The following NOCT variants were observed in gnomAD, a reference collection of about 807,000 sequenced individuals.
NOCT encodes nocturnin, also known as CCR4 carbon catabolite repression 4-like.
Under a neutral mutation model 35.0 loss-of-function variants are expected in NOCT, and 18 were observed. The ratio of observed to expected loss-of-function variants is 0.51; its 90% confidence interval spans 0.36 to 0.76. NOCT has a LOEUF of 0.76. Ranked by LOEUF, NOCT falls within the 30% of genes least tolerant of loss-of-function variation. The pLI, the probability that NOCT is intolerant of heterozygous loss-of-function variation, is 0.01. For missense variants in NOCT, 479 were observed against 541.0 expected, an observed-to-expected ratio of 0.89 and a Z score of 1.14; for synonymous variants, 235 against 226.3, an observed-to-expected ratio of 1.04 and a Z score of -0.34.
At chr4:139,033,680 A>G (rs1415344078) in intron 1 of NOCT, among the ~76,000 whole-genome samples, 1 of 144,360 alleles carries the variant, frequency 6.9e-6, no homozygotes. Context: ...CCTGTCTCCA[A>G]AAAAAAAAAA....
At chr4:139,029,291 T>TA in intron 1 of NOCT, among the ~76,000 whole-genome samples, 1 of 152,234 alleles carries the variant, frequency 6.6e-6, no homozygotes, top group Admixed American at 6.5e-5. Flanking sequence ...AGATTACACT[T>TA]ACCTATATGA....
chr4:139,030,172 C>A (rs1350851847), intron 1 of NOCT, among the ~76,000 whole-genome samples: 1 of 152,158 alleles, frequency 6.6e-6, no homozygotes, highest in Non-Finnish European at 1.5e-5. Flanking sequence ...AGCCACCGCG[C>A]CTGGCCTAGA....
intron 1 of NOCT, among the ~76,000 whole-genome samples, chr4:139,018,513 T>G (rs1055996491): frequency 1.3e-5 from 2 of 152,238 alleles, no homozygotes; most frequent in African/African-American, 2.4e-5. Context: ...CTTAAACTTT[T>G]GTAGGCAGTT....
chr4:139,016,921 G>A (rs1726321481), intron 1 of NOCT, among the ~76,000 whole-genome samples: 1 of 150,630 alleles, frequency 6.6e-6, no homozygotes, highest in Admixed American at 6.6e-5. Context: ...CCAGAGTGCT[G>A]GGATCACAGG....
chr4:139,045,799 AAGACAATGCCAGAGGAAGGAT>A lies in NOCT; in HGVS notation c.*329_*349del, dbSNP rs1234599061. On this transcript the variant is annotated 3_prime_UTR_variant, in exon 3 of 3. Transcript: ENST00000280614. The stretch of plus-strand genomic sequence containing the variant: ...GAATGTTTCAGGAAACAAATAGGAT[AAGACAATGCCAGAGGAAGGAT>A]AGAAACATGGGAAGTTTCTATCATT... 1 of 187,720 alleles carries A rather than the reference AAGACAATGCCAGAGGAAGGAT, an allele frequency of 5.3e-6. No individual in the cohort carries two copies. The highest frequency in any genetic ancestry group is 1.4e-4 in the East Asian group (1 of 7,406). 11.6% of individuals were successfully genotyped at this position (187,720 alleles called of 1,614,324 possible).
intron 1 of NOCT, among the ~76,000 whole-genome samples, chr4:139,029,471 A>G (rs970525109): frequency 2.0e-5 from 3 of 152,328 alleles, no homozygotes; most frequent in South Asian, 2.1e-4. Flanking sequence ...GGCTTTAGCT[A>G]TGAGGCTCAG....
intron 1 of NOCT, among the ~76,000 whole-genome samples, chr4:139,020,404 G>C (rs1726386984): frequency 6.6e-6 from 1 of 152,136 alleles, no homozygotes; most frequent in African/African-American, 2.4e-5. Context: ...CTTCTAATAG[G>C]TGAAAAAGGA....
At position 139,045,132 on chromosome 4, in the gene NOCT, C is replaced by T; in HGVS notation, c.954C>T (p.Pro318=). 6.2e-7 allele frequency: 1 copy of T among 1,614,178 alleles called. No individual in the cohort carries two copies. Among genetic ancestry groups the T allele is most frequent in the Non-Finnish European group, 8.5e-7 (1 of 1,180,040 alleles). The change falls in exon 3 of 3, where the codon CCC becomes CCT. Residue 318 remains proline, a synonymous_variant. Transcript: ENST00000280614. Reference sequence around the variant, plus strand: ...ACATCACCCAAGGAGCCAAGATTCCCCTTATTGTGTGTGGGGACTTCAATG... The same window carrying T: ...ACATCACCCAAGGAGCCAAGATTCCTCTTATTGTGTGTGGGGACTTCAATG... ...LQNITQGAKI[P]LIVCGDFNAE... is the part of the protein sequence containing the mutation.
intron 1 of NOCT, among the ~76,000 whole-genome samples, chr4:139,027,428 A>G (rs189484856): frequency 1.3e-5 from 2 of 152,320 alleles, no homozygotes; most frequent in Non-Finnish European, 1.5e-5. Flanking sequence ...TTTCTGGGCC[A>G]TATATCTGTC....
intron 1 of NOCT, among the ~76,000 whole-genome samples, chr4:139,026,816 T>G (rs982762493): frequency 6.6e-6 from 1 of 151,894 alleles, no homozygotes; most frequent in African/African-American, 2.4e-5. Flanking sequence ...CCTCCCAAAG[T>G]GTTGGAATTA....
intron 1 of NOCT, among the ~76,000 whole-genome samples, chr4:139,041,035 AAC>A (rs1467310243): frequency 6.6e-6 from 1 of 152,216 alleles, no homozygotes; most frequent in Non-Finnish European, 1.5e-5. Context: ...TCAGTTTGGA[AAC>A]AGTTGTATAT....
chr4:139,027,632 T>C (rs1454636638), intron 1 of NOCT, among the ~76,000 whole-genome samples: 1 of 152,032 alleles, frequency 6.6e-6, no homozygotes, highest in Non-Finnish European at 1.5e-5. Context: ...CCCGAGTAGC[T>C]GGGACTACAG....
chr4:139,032,144 G>A (rs1726638995), intron 1 of NOCT, among the ~76,000 whole-genome samples: 1 of 152,162 alleles, frequency 6.6e-6, no homozygotes, highest in Admixed American at 6.5e-5. Flanking sequence ...AAAGTAAGAA[G>A]AGTTATATTC....
Position 139,016,186 on chromosome 4 carries a change from G to C in NOCT, c.190+15G>C. On this transcript the variant is annotated intron_variant, in intron 1 of 2. Transcript: ENST00000280614. ...TTCCCGAACAGGTGAGTGCACCCCA[G>C]TTCCGGGCGGAGAACGCCACGGCCG... 3 of 1,234,236 alleles carry C rather than the reference G, an allele frequency of 2.4e-6. No homozygotes were observed. Among genetic ancestry groups the C allele is most frequent in the Non-Finnish European group, 1.0e-6 (1 of 987,232 alleles). 76.5% of individuals were successfully genotyped at this position (1,234,236 alleles called of 1,614,324 possible).
chr4:139,045,684 T>G lies in NOCT; in HGVS notation c.*210T>G, dbSNP rs1222550402. ...GGCGCCCGTCACCACGCCCAGCTAATTTTTTGTATTTTTAGTAGAGACGGG... is the reference window on the plus strand; with the variant it reads ...GGCGCCCGTCACCACGCCCAGCTAAGTTTTTGTATTTTTAGTAGAGACGGG... On this transcript the variant is annotated 3_prime_UTR_variant, in exon 3 of 3. Transcript: ENST00000280614. 3 of 448,590 alleles carry G rather than the reference T, an allele frequency of 6.7e-6. No individual in the cohort carries two copies. The highest frequency in any genetic ancestry group is 7.8e-6 in the Non-Finnish European group (2 of 256,188). The allele number at this position is 448,590 out of a possible 1,614,324, so 27.8% of individuals were successfully genotyped here. A position where few individuals can be genotyped will look rare whatever the true frequency, so the allele number is the denominator to read the frequency against.
intron 1 of NOCT, among the ~76,000 whole-genome samples, chr4:139,029,943 G>GTAAGAA (rs2148644380): frequency 6.6e-6 from 1 of 152,306 alleles, no homozygotes; most frequent in African/African-American, 2.4e-5. Context: ...CCAGGCTGGA[G>GTAAGAA]TGTAGTGGTG....
rs375188698 is a variant in NOCT at position 139,043,091 on chromosome 4, G to A, written c.208G>A (p.Gly70Ser). 1.1e-5 allele frequency: 17 copies of A among 1,602,196 alleles called. No individual in the cohort carries two copies. The highest frequency in any genetic ancestry group is 1.7e-5 in the Admixed American group (1 of 59,726). Residue 70 changes from glycine to serine, a missense_variant, in exon 2 of 3, where the codon GGT (glycine) becomes AGT (serine). By Grantham distance (56) the Gly-to-Ser change is moderately conservative. Transcript: ENST00000280614. ...CSRTVCSMGT[G>S]TSRLYSALAK... is the part of the protein sequence containing the mutation. ...TTCCGTAGTGTGTTCCATGGGAACC[G>A]GTACAAGCAGACTCTATAGTGCTCT... is the stretch of plus-strand genomic sequence containing the variant.
chr4:139,031,333 T>A (rs1726620302), intron 1 of NOCT, among the ~76,000 whole-genome samples: 1 of 152,034 alleles, frequency 6.6e-6, no homozygotes, highest in South Asian at 2.1e-4. Context: ...GTATTTTTAG[T>A]AGAGACGGGG....
At chr4:139,034,225 C>T (rs1303170246) in intron 1 of NOCT, among the ~76,000 whole-genome samples, 1 of 151,860 alleles carries the variant, frequency 6.6e-6, no homozygotes, top group Non-Finnish European at 1.5e-5. Flanking sequence ...TGTCTCCCCA[C>T]CCCCCACCTT....
Sources: allele counts gnomAD v4.1 joint callset (sites outside exome capture counted in the v4.1 genomes callset), GRCh38; gene constraint gnomAD v4.1.1; transcripts MANE v1.5; gene names NCBI Gene and HGNC (gene_info 2026-07-23, HGNC 2026-07-21).